Variants in ARHGAP24 observed in about 807,000 individuals in gnomAD.
ARHGAP24 encodes rho GTPase-activating protein 24.
A neutral mutation model predicts 76.4 loss-of-function variants in ARHGAP24; 50 were observed. The ratio of observed to expected loss-of-function variants is 0.65; its 90% CI spans 0.52 to 0.83. ARHGAP24 has a LOEUF of 0.83. Ranked by LOEUF, ARHGAP24 falls within the 40% of genes least tolerant of loss-of-function variation. The probability of loss-of-function intolerance (pLI) is 0.00; values close to 1 mark genes in which losing one functional copy is unlikely to be tolerated. For synonymous variants in ARHGAP24, 345 were observed against 323.3 expected (o/e 1.07, Z -0.72); for missense variants, 930 against 914.2 (o/e 1.02, Z -0.22).
intron 3 of ARHGAP24, among the ~76,000 whole-genome samples, chr4:85,833,435 T>G (rs1056994793): frequency 1.3e-5 from 2 of 152,028 alleles, no homozygotes; most frequent in African/African-American, 4.8e-5. Flanking sequence ...CTGGGATTCC[T>G]CCCCTCCCAT....
Position 85,848,081 on chromosome 4 carries a change from T to A in ARHGAP24, c.269-75567T>A, listed in dbSNP as rs114272871. Among the ~76,000 whole-genome samples the A allele has an allele frequency of 4.0e-3, 608 of 152,284 alleles. 3 individuals are homozygous for A. Among genetic ancestry groups the A allele is most frequent in the African/African-American group, 0.014 (568 of 41,578 alleles). Reference sequence around the variant, plus strand: ...CCACACAATCTATACAGTGAGGCAGTACTATTTCTGTACCAAAATTCAGAA... The same window carrying A: ...CCACACAATCTATACAGTGAGGCAGAACTATTTCTGTACCAAAATTCAGAA... On this transcript the variant is annotated intron_variant, in intron 3 of 9. Coordinates refer to ENST00000395184, the MANE Select transcript of ARHGAP24 (RefSeq NM_001025616.3).
chr4:85,556,677 A>T (rs901037991), intron 1 of ARHGAP24, among the ~76,000 whole-genome samples: 5 of 152,116 alleles, frequency 3.3e-5, no homozygotes, highest in Admixed American at 2.0e-4. Context: ...AGTGAAGGGT[A>T]GGGGAGGTGG....
intron 2 of ARHGAP24, among the ~76,000 whole-genome samples, chr4:85,603,827 A>C (rs1468292916): frequency 6.6e-6 from 1 of 152,190 alleles, no homozygotes; most frequent in Non-Finnish European, 1.5e-5. Context: ...TTACTGAAGG[A>C]TGATGGACTA....
rs934463793 is a variant in ARHGAP24, at chr4:85,668,691, A to G, written c.181-53194A>G. On this transcript the variant is annotated intron_variant, in intron 2 of 9. Coordinates refer to ENST00000395184, the MANE Select transcript of ARHGAP24 (RefSeq NM_001025616.3). ...TGTCTGAGTTTGAGAGGGGAAGTTTAGGAGATAAAGGGGTATGCAGGCGGT... is the reference window on the plus strand; with the variant it reads ...TGTCTGAGTTTGAGAGGGGAAGTTTGGGAGATAAAGGGGTATGCAGGCGGT... Among the ~76,000 whole-genome samples, 6 of 152,168 alleles carry G rather than the reference A, an allele frequency of 3.9e-5. No homozygotes were observed. In the East Asian group the frequency reaches 9.6e-4, roughly 24 times the overall value.
chr4:85,609,299 G>T (rs1233480260), intron 2 of ARHGAP24, among the ~76,000 whole-genome samples: 1 of 152,088 alleles, frequency 6.6e-6, no homozygotes, highest in African/African-American at 2.4e-5. Flanking sequence ...GCCAGGAGGA[G>T]CAATAGTGTT....
intron 8 of ARHGAP24, among the ~76,000 whole-genome samples, chr4:85,986,819 A>G (rs1740033769): frequency 6.6e-6 from 1 of 152,144 alleles, no homozygotes; most frequent in Non-Finnish European, 1.5e-5. Flanking sequence ...AAAAGAGTGC[A>G]AAGTCCTGAT....
intron 2 of ARHGAP24, among the ~76,000 whole-genome samples, chr4:85,584,136 T>C (rs1727740919): frequency 6.6e-6 from 1 of 151,746 alleles, no homozygotes; most frequent in African/African-American, 2.4e-5. Flanking sequence ...TAAAGACACA[T>C]GCACACGTAT....
intron 2 of ARHGAP24, among the ~76,000 whole-genome samples, chr4:85,603,790 G>A (rs1720108124): frequency 6.6e-6 from 1 of 152,148 alleles, no homozygotes; most frequent in South Asian, 2.1e-4. Context: ...GTTCATTAAT[G>A]TGTCTGCACA....
intron 2 of ARHGAP24, among the ~76,000 whole-genome samples, chr4:85,622,135 T>C (rs1560556644): frequency 6.6e-6 from 1 of 152,244 alleles, no homozygotes; most frequent in South Asian, 2.1e-4. Flanking sequence ...TTAGGGTGCA[T>C]GTGCACAACA....
intron 1 of ARHGAP24, among the ~76,000 whole-genome samples, chr4:85,505,950 C>G (rs528538297): frequency 2.6e-4 from 40 of 152,028 alleles, no homozygotes; most frequent in African/African-American, 9.2e-4. Context: ...TTCCTTTCTG[C>G]TTGTTAGTTT....
chr4:85,502,067 G>A (rs2110099834), intron 1 of ARHGAP24, among the ~76,000 whole-genome samples: 1 of 152,234 alleles, frequency 6.6e-6, no homozygotes, highest in South Asian at 2.1e-4. Flanking sequence ...CCTCTGTTCT[G>A]TTCCATTGGT....
intron 2 of ARHGAP24, among the ~76,000 whole-genome samples, chr4:85,649,237 TA>T (rs1307020635): frequency 1.3e-5 from 2 of 152,110 alleles, no homozygotes; most frequent in African/African-American, 4.8e-5. Context: ...TTCAGTTCAG[TA>T]GCGATTCTCT....
intron 1 of ARHGAP24, among the ~76,000 whole-genome samples, chr4:85,519,386 G>A (rs986155319): frequency 6.6e-6 from 1 of 152,096 alleles, no homozygotes; most frequent in Non-Finnish European, 1.5e-5. Flanking sequence ...TTTGGACCCA[G>A]GACTACCTGG....
At chr4:85,499,845 A>G (rs1723732934) in intron 1 of ARHGAP24, among the ~76,000 whole-genome samples, 1 of 152,186 alleles carries the variant, frequency 6.6e-6, no homozygotes, top group Non-Finnish European at 1.5e-5. Context: ...TTAAGTTTCT[A>G]ACTTTAATTT....
chr4:85,720,370 G>A (rs995598739), intron 2 of ARHGAP24, among the ~76,000 whole-genome samples: 1 of 152,192 alleles, frequency 6.6e-6, no homozygotes, highest in African/African-American at 2.4e-5. Context: ...AAATTAGAGA[G>A]TGGTAGTAGT....
At chr4:85,640,653 C>T (rs563619490) in intron 2 of ARHGAP24, among the ~76,000 whole-genome samples, 1 of 152,276 alleles carries the variant, frequency 6.6e-6, no homozygotes, top group East Asian at 1.9e-4. Flanking sequence ...GACAGGTCAG[C>T]CTTTGCCCTC....
intron 3 of ARHGAP24, among the ~76,000 whole-genome samples, chr4:85,847,274 T>C (rs1730946302): frequency 6.6e-6 from 1 of 152,202 alleles, no homozygotes; most frequent in Admixed American, 6.5e-5. Flanking sequence ...TAACAAATAT[T>C]TGTTGATTTG....
intron 1 of ARHGAP24, among the ~76,000 whole-genome samples, chr4:85,519,603 A>T (rs1191284438): frequency 6.6e-6 from 1 of 152,178 alleles, no homozygotes; most frequent in Non-Finnish European, 1.5e-5. Flanking sequence ...ACAAAATTAT[A>T]AAGTCCACTA....
intron 5 of ARHGAP24, among the ~76,000 whole-genome samples, chr4:85,970,508 A>C (rs1738907034): frequency 6.6e-6 from 1 of 152,128 alleles, no homozygotes; most frequent in South Asian, 2.1e-4. Flanking sequence ...GTCCTAGCCC[A>C]GGGGTTTCTA....
Sources: gnomAD v4.1 joint callset for allele counts (sites outside exome capture counted in the v4.1 genomes callset) on GRCh38, gnomAD v4.1.1 for gene constraint, MANE v1.5 for transcripts, NCBI Gene and HGNC (gene_info 2026-07-23, HGNC 2026-07-21) for gene names.